The following CFAP91 variants were observed in gnomAD, a reference collection of about 807,000 sequenced individuals.
CFAP91 encodes the protein cilia- and flagella-associated protein 91.
A neutral mutation model predicts 95.9 loss-of-function variants in CFAP91; 85 were observed. The ratio of observed to expected loss-of-function variants is 0.89; its 90% confidence interval spans 0.74 to 1.06. CFAP91 has a LOEUF of 1.06. CFAP91 is among the 50% of genes least tolerant of loss of function. The probability of loss-of-function intolerance (pLI) is 0.00; values close to 1 mark genes in which losing one functional copy is unlikely to be tolerated. For synonymous variants in CFAP91, 335 were observed against 327.5 expected (o/e 1.02, Z -0.25); for missense variants, 962 against 943.4 (o/e 1.02, Z -0.26).
intron 6 of CFAP91, among the ~76,000 whole-genome samples, chr3:119,721,759 A>G (rs1260046425): frequency 6.6e-6 from 1 of 152,254 alleles, no homozygotes; most frequent in African/African-American, 2.4e-5. Flanking sequence ...AAGAAGCAGC[A>G]AAACTATCCT....
chr3:119,707,562 G>T lies in CFAP91; in HGVS notation c.359+1G>T. The T allele has an allele frequency of 6.4e-7, 1 of 1,559,316 alleles. No individual in the cohort carries two copies. On this transcript the variant is annotated splice_donor_variant, in intron 3 of 17. Transcript: ENST00000273390. LOFTEE classifies it high-confidence loss of function. ...GAGAAGCCCTCCGGCAGCTCACCAC[G>T]TAAGTGTCGGGTGGCTCCAGGGCCT...
chr3:119,732,356 A>G lies in CFAP91; in HGVS notation c.1081A>G (p.Ile361Val). Reference protein sequence around the residue: ...IEGKLERRNIIKDYSDYASQV... With the variant: ...IEGKLERRNIVKDYSDYASQV... ...AGGGAAGTTGGAGAGAAGAAATATC[A>G]TCAAGGATTATTCTGATTATGCATC... The change falls in exon 9 of 18, where the codon ATC (isoleucine) becomes GTC (valine). Residue 361 changes from isoleucine to valine, a missense_variant. Ile to Val is a conservative substitution (Grantham distance 29). Coordinates refer to ENST00000273390, the MANE Select transcript of CFAP91 (RefSeq NM_033364.4). 1 of 1,611,170 alleles carries G rather than the reference A, an allele frequency of 6.2e-7. No individual in the cohort carries two copies. Among genetic ancestry groups the G allele is most frequent in the South Asian group, 1.1e-5 (1 of 90,704 alleles).
At chr3:119,748,630 T>A (rs1188312318) in intron 16 of CFAP91, among the ~76,000 whole-genome samples, 1 of 152,224 alleles carries the variant, frequency 6.6e-6, no homozygotes, top group African/African-American at 2.4e-5. Flanking sequence ...GAAAAATGCT[T>A]AACATTTCAA....
chr3:119,732,470 T>A lies in CFAP91; in HGVS notation c.1195T>A (p.Tyr399Asn). The A allele has an allele frequency of 6.3e-7, 1 of 1,581,024 alleles. No individual in the cohort carries two copies. The highest frequency in any genetic ancestry group is 8.6e-7 in the Non-Finnish European group (1 of 1,167,184). Residue 399 changes from tyrosine (Y) to asparagine (N), a missense_variant, in exon 9 of 18, where the codon TAT (tyrosine) becomes AAT (asparagine). Transcript: ENST00000273390. ...AGTAAAAAACTACTATCTCAACACC[T>A]ATGAAGGTAAGCAATTTACATAATT... The part of the protein sequence containing the change: ...FVVKNYYLNT[Y>N]EGLVELESCL...
chr3:119,752,215 T>C (rs2107914857), intron 17 of CFAP91: 1 of 152,188 alleles, frequency 6.6e-6, no homozygotes, highest in Middle Eastern at 3.4e-3. Context: ...TAGGGAGAAA[T>C]TTTAGTTTGG....
rs554693014 is a variant in CFAP91 at position 119,755,573 on chromosome 3, A to G, written c.*1+4475A>G. Among the ~76,000 whole-genome samples, 15 of 152,282 alleles carry G rather than the reference A, an allele frequency of 9.9e-5. No individual in the cohort carries two copies. In the South Asian group the frequency reaches 3.1e-3, roughly 32 times the overall value. On this transcript the variant is annotated intron_variant, in intron 17 of 17. Coordinates refer to ENST00000273390, the MANE Select transcript of CFAP91 (RefSeq NM_033364.4). ...CAGTAAGAAGGTGGCCATCTAGATG[A>G]CAGGAAGAGAACTCTCAACCAAAAC...
intron 11 of CFAP91, among the ~76,000 whole-genome samples, chr3:119,738,324 C>T (rs1393007286): frequency 1.7e-5 from 1 of 57,348 alleles, no homozygotes; most frequent in Non-Finnish European, 4.5e-5. Flanking sequence ...CTTTGGTTGA[C>T]ATATTGTCTT....
intron 10 of CFAP91, 145 bp downstream of exon 10, chr3:119,733,651 T>C: frequency 1.3e-6 from 1 of 766,852 alleles, no homozygotes; most frequent in South Asian, 2.0e-5. Flanking sequence ...GCCCATGCTG[T>C]GCTGAACCAA....
intron 10 of CFAP91, among the ~76,000 whole-genome samples, chr3:119,734,049 C>G (rs2053953576): frequency 6.6e-6 from 1 of 152,138 alleles, no homozygotes; most frequent in Admixed American, 6.5e-5. Context: ...TCATTCTTTC[C>G]TGTGCATCAG....
Position 119,703,093 on chromosome 3 carries a change from G to T in CFAP91, c.-6G>T. Reference sequence around the variant, plus strand: ...CCCTTGCTGGCGGGAGGAAAGAGGCGGCACCATGAGCCACGCAGTAACCAT... The same window carrying T: ...CCCTTGCTGGCGGGAGGAAAGAGGCTGCACCATGAGCCACGCAGTAACCAT... On this transcript the variant is annotated 5_prime_UTR_variant, in exon 1 of 18. Transcript: ENST00000273390. 6.4e-7 allele frequency: 1 copy of T among 1,552,728 alleles called. No homozygotes were observed.
chr3:119,747,366 A>G, intron 15 of CFAP91, 103 bp downstream of exon 15: 1 of 1,306,440 alleles, frequency 7.7e-7, no homozygotes, highest in South Asian at 1.5e-5. Context: ...AGAAACAAAT[A>G]ACTCATACTT....
At chr3:119,706,576 G>C (rs368907476) in intron 1 of CFAP91, 4 of 480,782 alleles carry the variant, frequency 8.3e-6, no homozygotes, top group East Asian at 3.4e-5. Context: ...TTCCACTTCC[G>C]TAAGCTGACT....
chr3:119,704,177 G>GT (rs201879803), intron 1 of CFAP91, among the ~76,000 whole-genome samples: 64 of 151,466 alleles, frequency 4.2e-4, no homozygotes, highest in Middle Eastern at 3.4e-3. Flanking sequence ...ACATCACCAT[G>GT]TTTTTTTTTC....
chr3:119,737,353 G>A lies in CFAP91; in HGVS notation c.1345-13G>A. ...GTTAAAAAAAGAGATTATATTAATT[G>A]GCATTATTTCAGGCACTGTTGGATA... On this transcript the variant is annotated splice_polypyrimidine_tract_variant and intron_variant, in intron 10 of 17. Coordinates refer to ENST00000273390, the MANE Select transcript of CFAP91 (RefSeq NM_033364.4). The A allele has an allele frequency of 1.4e-6, 2 of 1,453,386 alleles. No individual in the cohort carries two copies. Among genetic ancestry groups the A allele is most frequent in the South Asian group, 2.5e-5 (2 of 80,306 alleles). 90.0% of individuals were successfully genotyped at this position (1,453,386 alleles called of 1,614,324 possible). A position where few individuals can be genotyped will look rare whatever the true frequency, so the allele number is the denominator to read the frequency against.
chr3:119,761,078 A>G (rs1157263760), intron 17 of CFAP91, among the ~76,000 whole-genome samples: 1 of 150,082 alleles, frequency 6.7e-6, no homozygotes, highest in African/African-American at 2.4e-5. Flanking sequence ...AAGATCAACA[A>G]AACTAAAATT....
chr3:119,727,774 G>A (rs1482225249), intron 7 of CFAP91, among the ~76,000 whole-genome samples: 3 of 152,182 alleles, frequency 2.0e-5, no homozygotes, highest in South Asian at 2.1e-4. Context: ...TAAAGTGGGC[G>A]ATTTGAGAAA....
intron 9 of CFAP91, 81 bp from the exon 10 acceptor site, chr3:119,733,283 C>A: frequency 6.9e-7 from 1 of 1,454,436 alleles, no homozygotes; most frequent in Non-Finnish European, 9.3e-7. Context: ...GCTTGGCAAA[C>A]AGCTACAAAA....
intron 8 of CFAP91, among the ~76,000 whole-genome samples, chr3:119,730,647 T>TGTGTGTGTGTGG (rs1161990308): frequency 8.1e-6 from 1 of 123,656 alleles, no homozygotes; most frequent in African/African-American, 2.9e-5. Context: ...TGTGTGTGTG[T>TGTGTGTGTGTGG]GTGGTGGGAT....
intron 1 of CFAP91, among the ~76,000 whole-genome samples, chr3:119,705,204 G>A (rs1218397109): frequency 2.0e-5 from 3 of 152,176 alleles, no homozygotes; most frequent in South Asian, 2.1e-4. Flanking sequence ...ATTGTATAGC[G>A]TCTTTGTGTA....
Sources: gnomAD v4.1 joint callset for allele counts (sites outside exome capture counted in the v4.1 genomes callset) on GRCh38, gnomAD v4.1.1 for gene constraint, MANE v1.5 for transcripts, NCBI Gene and HGNC (gene_info 2026-07-23, HGNC 2026-07-21) for gene names.